The following ZFHX3 variants were observed in gnomAD, a reference collection of about 807,000 sequenced individuals.
The protein encoded by ZFHX3 is zinc finger homeobox 3.
Under a neutral mutation model 279.1 loss-of-function variants are expected in ZFHX3, and 42 were observed. The ratio of observed to expected loss-of-function variants is 0.15; its 90% CI spans 0.12 to 0.19. ZFHX3 has a LOEUF of 0.19. Ranked by LOEUF, ZFHX3 falls within the 10% of genes least tolerant of loss-of-function variation. ZFHX3 has a pLI of 1.00. For missense variants in ZFHX3, 4,981 were observed against 4,754.0 expected (o/e 1.05, Z -1.40); for synonymous variants, 2,293 against 1,957.8 (o/e 1.17, Z -4.52).
At chr16:73,567,363 C>A (rs928796958) in intron 2 of ZFHX3, among the ~76,000 whole-genome samples, 1 of 152,174 alleles carries the variant, frequency 6.6e-6, no homozygotes, top group African/African-American at 2.4e-5. Flanking sequence ...AACTTTTCTT[C>A]CTTTGAACTA....
intron 2 of ZFHX3, among the ~76,000 whole-genome samples, chr16:73,591,364 A>G (rs2051993674): frequency 6.6e-6 from 1 of 151,062 alleles, no homozygotes; most frequent in Non-Finnish European, 1.5e-5. Context: ...AAAACAAAAA[A>G]CAAACAAACA....
intron 2 of ZFHX3, among the ~76,000 whole-genome samples, chr16:73,631,927 TCACACACACACA>T (rs60955432): frequency 0.53 from 72,838 of 136,552 alleles, 21,604 homozygotes; most frequent in Middle Eastern, 0.74. Context: ...TCTCTCTCTC[TCACACACACACA>T]CACACACACA....
At chr16:73,790,731 C>G (rs1262978113) in intron 1 of ZFHX3, among the ~76,000 whole-genome samples, 1 of 152,196 alleles carries the variant, frequency 6.6e-6, no homozygotes, top group Non-Finnish European at 1.5e-5. Flanking sequence ...AAGCTGCATC[C>G]TAACCATCAT....
At chr16:73,316,107 C>T (rs529374698) in intron 4 of ZFHX3, among the ~76,000 whole-genome samples, 10 of 152,214 alleles carry the variant, frequency 6.6e-5, no homozygotes, top group African/African-American at 9.6e-5. Flanking sequence ...GAAGGTGATA[C>T]CACAGGAAAA....
At chr16:73,891,219 C>T (rs962285287) in intron 1 of ZFHX3, among the ~76,000 whole-genome samples, 4 of 152,078 alleles carry the variant, frequency 2.6e-5, no homozygotes. Flanking sequence ...CCACAGCATT[C>T]CCTCCAATCC....
At chr16:73,362,404 G>A (rs950568133) in intron 3 of ZFHX3, among the ~76,000 whole-genome samples, 1 of 152,168 alleles carries the variant, frequency 6.6e-6, no homozygotes, top group Non-Finnish European at 1.5e-5. Context: ...GAGGCCAGAG[G>A]AACAGTTGAG....
intron 4 of ZFHX3, among the ~76,000 whole-genome samples, chr16:73,305,379 C>T (rs149891335): frequency 2.7e-4 from 41 of 152,042 alleles, no homozygotes; most frequent in Middle Eastern, 6.8e-3. Flanking sequence ...GTGGTCATTG[C>T]CCTGGTAAGA....
chr16:73,136,150 T>C (rs1966786595), intron 6 of ZFHX3, among the ~76,000 whole-genome samples: 1 of 152,158 alleles, frequency 6.6e-6, no homozygotes, highest in Non-Finnish European at 1.5e-5. Flanking sequence ...TTATTTGTAT[T>C]ATTTGCATAA....
chr16:73,068,655 G>GGAC (rs1965785752), intron 8 of ZFHX3, among the ~76,000 whole-genome samples: 1 of 152,198 alleles, frequency 6.6e-6, no homozygotes, highest in African/African-American at 2.4e-5. Context: ...GCTCAGACAA[G>GGAC]TTCCTTACTT....
chr16:73,199,235 G>A (rs1968218995), intron 5 of ZFHX3, among the ~76,000 whole-genome samples: 1 of 152,126 alleles, frequency 6.6e-6, no homozygotes, highest in Non-Finnish European at 1.5e-5. Flanking sequence ...CTCGTAGAAT[G>A]GGGCGTAACG....
intron 3 of ZFHX3, among the ~76,000 whole-genome samples, chr16:73,335,749 A>G (rs2015900223): frequency 6.6e-6 from 1 of 152,198 alleles, no homozygotes; most frequent in South Asian, 2.1e-4. Context: ...GGAAGTTGAC[A>G]GTGGGGGAAG....
intron 1 of ZFHX3, among the ~76,000 whole-genome samples, chr16:73,865,891 A>G (rs1318833274): frequency 6.6e-6 from 1 of 151,820 alleles, no homozygotes; most frequent in African/African-American, 2.4e-5. Flanking sequence ...AGGCTGAGGC[A>G]GGAGAATGGT....
chr16:73,096,992 T>G (rs966790322), intron 7 of ZFHX3, among the ~76,000 whole-genome samples: 13 of 152,026 alleles, frequency 8.6e-5, no homozygotes, highest in Non-Finnish European at 1.8e-4. Flanking sequence ...AGGAGAAATA[T>G]TTTTTCTTTG....
At chr16:72,915,891 G>A (rs537763024) in intron 3 of ZFHX3, among the ~76,000 whole-genome samples, 10 of 152,170 alleles carry the variant, frequency 6.6e-5, no homozygotes, top group African/African-American at 1.4e-4. Flanking sequence ...CAGTTCCAAC[G>A]CCCATTCTAA....
intron 5 of ZFHX3, among the ~76,000 whole-genome samples, chr16:73,150,825 GTC>G (rs1489807533): frequency 6.6e-6 from 1 of 152,126 alleles, no homozygotes; most frequent in African/African-American, 2.4e-5. Flanking sequence ...CTTAACATGT[GTC>G]TGTTGAACTA....
chr16:72,966,123 A>G (rs1041246056), intron 1 of ZFHX3, among the ~76,000 whole-genome samples: 3 of 152,214 alleles, frequency 2.0e-5, no homozygotes, highest in African/African-American at 7.2e-5. Context: ...GGACACGCCA[A>G]CAAGGCTCTG....
chr16:73,544,935 AGG>A (rs2020084333), intron 2 of ZFHX3, among the ~76,000 whole-genome samples: 2 of 151,782 alleles, frequency 1.3e-5, no homozygotes, highest in African/African-American at 4.9e-5. Context: ...TCAATGGGGG[AGG>A]ACGATGACGG....
intron 3 of ZFHX3, among the ~76,000 whole-genome samples, chr16:73,343,824 A>G (rs2016078782): frequency 6.6e-6 from 1 of 152,224 alleles, no homozygotes; most frequent in South Asian, 2.1e-4. Context: ...ATGGATTACA[A>G]TCCCTTGAAT....
intron 1 of ZFHX3, among the ~76,000 whole-genome samples, chr16:73,702,364 CA>C (rs2053256786): frequency 6.6e-6 from 1 of 152,146 alleles, no homozygotes; most frequent in African/African-American, 2.4e-5. Flanking sequence ...CCAGATGGGA[CA>C]CACGGCAGAC....
Sources: allele counts gnomAD v4.1 joint callset (sites outside exome capture counted in the v4.1 genomes callset), GRCh38; gene constraint gnomAD v4.1.1; transcripts MANE v1.5; gene names NCBI Gene and HGNC (gene_info 2026-07-23, HGNC 2026-07-21).